USP34: variants seen among roughly 807,000 people sequenced by gnomAD.
The protein encoded by USP34 is ubiquitin carboxyl-terminal hydrolase 34.
A neutral mutation model predicts 460.3 loss-of-function variants in USP34; 70 were observed. The observed-to-expected ratio is 0.15, with a 90% CI of 0.13 to 0.19. The LOEUF (loss-of-function observed/expected upper bound fraction) is 0.19. Among genes scored for constraint, USP34 ranks in the 10% least tolerant of loss-of-function variants. The pLI, the probability that USP34 is intolerant of heterozygous loss-of-function variation, is 1.00. For synonymous variants in USP34, 1,647 were observed against 1,405.3 expected, an observed-to-expected ratio of 1.17 and a Z score of -3.85; for missense variants, 3,985 against 4,236.2, an observed-to-expected ratio of 0.94 and a Z score of 1.65.
At chr2:61,232,349 T>C (rs1687931033) in intron 58 of USP34, 103 bp downstream of exon 58, 1 of 950,836 alleles carries the variant, frequency 1.1e-6, no homozygotes, top group East Asian at 2.6e-5. Context: ...TTTCAAACTA[T>C]TATCAATATT....
intron 7 of USP34, 76 bp from the exon 8 acceptor site, chr2:61,378,500 G>A: frequency 2.2e-6 from 2 of 899,714 alleles, no homozygotes. Flanking sequence ...TACTAACATG[G>A]TAAACTGATT....
chr2:61,415,270 G>A (rs1476435114), intron 2 of USP34, among the ~76,000 whole-genome samples: 1 of 152,024 alleles, frequency 6.6e-6, no homozygotes, highest in Non-Finnish European at 1.5e-5. Context: ...GGGGTGGGGG[G>A]ATAAAAGATC....
At position 61,257,055 on chromosome 2, in the gene USP34, G is replaced by T; in HGVS notation, c.6045C>A (p.Ser2015=). The change falls in exon 46 of 80, where the codon TCC becomes TCA. Residue 2015 remains serine (S), a synonymous_variant. Coordinates refer to ENST00000398571, the MANE Select transcript of USP34 (RefSeq NM_014709.4). The part of the protein sequence containing the change: ...FGGVITNNVV[S]LDCEHVSQTA... The stretch of plus-strand genomic sequence containing the variant: ...AAAAACCAGGTATAATACTTACCAA[G>T]GATACAACATTGTTTGTAATTACAC... 6.4e-7 allele frequency: 1 copy of T among 1,566,126 alleles called. No individual in the cohort carries two copies. The highest frequency in any genetic ancestry group is 1.2e-5 in the South Asian group (1 of 82,032).
chr2:61,296,070 C>T (rs987511264), intron 30 of USP34, among the ~76,000 whole-genome samples: 1 of 152,032 alleles, frequency 6.6e-6, no homozygotes, highest in African/African-American at 2.4e-5. Context: ...ATCAACTTGG[C>T]CAAAACGGTG....
At chr2:61,236,643 GA>G (rs1306818550) in intron 53 of USP34, among the ~76,000 whole-genome samples, 8 of 152,116 alleles carry the variant, frequency 5.3e-5, no homozygotes, top group Non-Finnish European at 7.4e-5. Flanking sequence ...AATGCTGCAA[GA>G]ATTCTGAAAT....
At chr2:61,370,689 G>T (rs1692594607) in intron 8 of USP34, 110 bp from the exon 9 acceptor site, 1 of 844,544 alleles carries the variant, frequency 1.2e-6, no homozygotes, top group Non-Finnish European at 1.8e-6. Flanking sequence ...GAATTATAAA[G>T]AATTAGATAC....
intron 49 of USP34, among the ~76,000 whole-genome samples, chr2:61,247,317 G>C (rs1688443369): frequency 6.6e-6 from 1 of 152,174 alleles, no homozygotes; most frequent in Non-Finnish European, 1.5e-5. Flanking sequence ...AGATAATTAG[G>C]TCAGTAAGAG....
chr2:61,235,279 A>G (rs1407275488), intron 57 of USP34, among the ~76,000 whole-genome samples: 3 of 151,252 alleles, frequency 2.0e-5, no homozygotes, highest in African/African-American at 7.3e-5. Context: ...TGAATTTTCT[A>G]TACATAGTTT....
At chr2:61,367,916 G>T (rs1314720154) in intron 10 of USP34, among the ~76,000 whole-genome samples, 1 of 152,014 alleles carries the variant, frequency 6.6e-6, no homozygotes, top group Admixed American at 6.6e-5. Flanking sequence ...AAATAAGACA[G>T]AAAAGTTATA....
chr2:61,400,235 C>T (rs1002761128), intron 3 of USP34, among the ~76,000 whole-genome samples: 1 of 151,836 alleles, frequency 6.6e-6, no homozygotes, highest in Admixed American at 6.6e-5. Flanking sequence ...TCAGCCTCCC[C>T]AGTAGCTGGG....
chr2:61,287,137 C>T (rs1689714852), intron 34 of USP34, among the ~76,000 whole-genome samples: 1 of 152,162 alleles, frequency 6.6e-6, no homozygotes, highest in South Asian at 2.1e-4. Flanking sequence ...GGAATACTGA[C>T]AGAGATCATT....
chr2:61,295,873 T>C (rs866978805), intron 30 of USP34, among the ~76,000 whole-genome samples: 2 of 152,254 alleles, frequency 1.3e-5, no homozygotes, highest in African/African-American at 4.8e-5. Flanking sequence ...ATCCTAGAAT[T>C]AGTATAACAT....
chr2:61,221,714 G>C (rs774644834), intron 65 of USP34, 108 bp from the exon 66 acceptor site: 38 of 992,628 alleles, frequency 3.8e-5, no homozygotes, highest in Admixed American at 9.7e-5. Flanking sequence ...CTGTGTTAGG[G>C]AAGGAGAGCT....
intron 5 of USP34, among the ~76,000 whole-genome samples, chr2:61,394,191 T>C (rs1693444254): frequency 6.6e-6 from 1 of 152,174 alleles, no homozygotes; most frequent in Admixed American, 6.6e-5. Flanking sequence ...ACTCACAGGA[T>C]ACAGAAGAAT....
At chr2:61,405,650 C>T in intron 3 of USP34, 58 bp downstream of exon 3, 1 of 1,417,630 alleles carries the variant, frequency 7.1e-7, no homozygotes, top group Non-Finnish European at 9.4e-7. Context: ...CAGTAAGAAA[C>T]AGACTGCGAA....
At position 61,348,456 on chromosome 2, in the gene USP34, C is replaced by T. The variant is rs1691838967; in HGVS notation, c.1699G>A (p.Glu567Lys). ...CCATCTTCACCACTGTTGGCAGTTT[C>T]GTCAGAACTTCCCTGCATGGATTCC... ...TEESMQGSSD[E>K]TANSGEDGSS... The change falls in exon 15 of 80, where the codon GAA (glutamate) becomes AAA (lysine). Residue 567 changes from glutamate to lysine, a missense_variant. This residue lies in a region of USP34 where 716 missense variants were observed against 626.2 expected (regional missense o/e 1.14). Coordinates refer to ENST00000398571, the MANE Select transcript of USP34 (RefSeq NM_014709.4). The T allele has an allele frequency of 3.1e-6, 5 of 1,612,574 alleles. No homozygotes were observed. Among genetic ancestry groups the T allele is most frequent in the Non-Finnish European group, 4.2e-6 (5 of 1,179,566 alleles).
chr2:61,328,968 A>G (rs1395538317), intron 20 of USP34, among the ~76,000 whole-genome samples: 4 of 152,140 alleles, frequency 2.6e-5, no homozygotes, highest in Non-Finnish European at 4.4e-5. Context: ...ATCTCCTAAT[A>G]AAAATGTGGG....
At chr2:61,219,045 T>G (rs967504641) in intron 67 of USP34, among the ~76,000 whole-genome samples, 1 of 152,204 alleles carries the variant, frequency 6.6e-6, no homozygotes, top group African/African-American at 2.4e-5. Flanking sequence ...TGGAATTCTT[T>G]TGTATGGGAG....
At chr2:61,357,991 G>T (rs1692156443) in intron 10 of USP34, among the ~76,000 whole-genome samples, 1 of 152,166 alleles carries the variant, frequency 6.6e-6, no homozygotes, top group East Asian at 1.9e-4. Flanking sequence ...ATAAGTTTGA[G>T]ATCAGCCTGG....
Sources: allele counts gnomAD v4.1 joint callset (sites outside exome capture counted in the v4.1 genomes callset), GRCh38; gene constraint gnomAD v4.1.1; regional missense constraint gnomAD v4.1.1; transcripts MANE v1.5; gene names NCBI Gene and HGNC (gene_info 2026-07-23, HGNC 2026-07-21).